CNTNAP2: variants seen among roughly 807,000 people sequenced by gnomAD.
CNTNAP2 encodes contactin associated protein 2, also known as contactin-associated protein-like 2.
In CNTNAP2, 98 loss-of-function variants were observed where a neutral mutation model predicts 155.2. The observed-to-expected ratio is 0.63, with a 90% CI of 0.54 to 0.75. The LOEUF (loss-of-function observed/expected upper bound fraction) is 0.75. Ranked by LOEUF, CNTNAP2 falls within the 30% of genes least tolerant of loss-of-function variation. The pLI is 0.00. For missense variants in CNTNAP2, 1,727 were observed against 1,688.1 expected (o/e 1.02, Z -0.40); for synonymous variants, 651 against 631.2 (o/e 1.03, Z -0.47).
At chr7:147,673,677 C>T (rs4310123) in intron 13 of CNTNAP2, among the ~76,000 whole-genome samples, 2,492 of 152,138 alleles carry the variant, frequency 0.016, 221 homozygotes, top group Admixed American at 0.15. Context: ...GTGGTACTAA[C>T]CATAGTTCTG....
intron 3 of CNTNAP2, among the ~76,000 whole-genome samples, chr7:146,892,943 A>G (rs1283511606): frequency 6.6e-6 from 1 of 152,204 alleles, no homozygotes; most frequent in Non-Finnish European, 1.5e-5. Context: ...CTCTATATGC[A>G]GAGACAACTC....
At chr7:146,458,923 A>C (rs535776970) in intron 1 of CNTNAP2, among the ~76,000 whole-genome samples, 5 of 152,262 alleles carry the variant, frequency 3.3e-5, no homozygotes, top group South Asian at 4.1e-4. Flanking sequence ...ATTTCTCTCT[A>C]TATATACACA....
chr7:147,735,106 G>A (rs1796818032), intron 13 of CNTNAP2, among the ~76,000 whole-genome samples: 1 of 151,000 alleles, frequency 6.6e-6, no homozygotes, highest in Non-Finnish European at 1.5e-5. Context: ...TCTTTTAATT[G>A]TGATGTTAGG....
chr7:148,243,570 G>A (rs542214621), intron 20 of CNTNAP2, among the ~76,000 whole-genome samples: 5 of 152,266 alleles, frequency 3.3e-5, no homozygotes, highest in Admixed American at 2.6e-4. Flanking sequence ...GCAGGCAAGA[G>A]AGAGAGCGCT....
In CNTNAP2 at chr7:147,300,190, G is replaced by T. The variant is rs955617236; in HGVS notation, c.1398G>T (p.Lys466Asn). 1.2e-6 allele frequency: 2 copies of T among 1,613,994 alleles called. No individual in the cohort carries two copies. Among genetic ancestry groups the T allele is most frequent in the Non-Finnish European group, 1.7e-6 (2 of 1,179,942 alleles). Residue 466 changes from lysine (K) to asparagine (N), a missense_variant, in exon 9 of 24, where the codon AAG (lysine) becomes AAT (asparagine). By Grantham distance (94) the Lys-to-Asn change is moderately conservative. Transcript: ENST00000361727. ...GGCACGAGGTTCGCTTCCTAGCCAA[G>T]GAAAATTTTGCTATTCTCACCATCG... Reference protein sequence around the residue: ...GQWHEVRFLAKENFAILTIDG... With the variant: ...GQWHEVRFLANENFAILTIDG...
intron 3 of CNTNAP2, among the ~76,000 whole-genome samples, chr7:146,903,237 T>G (rs1796042703): frequency 6.6e-6 from 1 of 152,172 alleles, no homozygotes; most frequent in Admixed American, 6.5e-5. Flanking sequence ...AAATCCTGTT[T>G]TGTCACCAGA....
intron 20 of CNTNAP2, among the ~76,000 whole-genome samples, chr7:148,245,193 C>T (rs1312881118): frequency 6.6e-6 from 1 of 152,106 alleles, no homozygotes; most frequent in African/African-American, 2.4e-5. Context: ...TACAGGTTGG[C>T]ACATGGAGGA....
chr7:147,586,668 G>A (rs2116836558), intron 12 of CNTNAP2, among the ~76,000 whole-genome samples: 1 of 152,172 alleles, frequency 6.6e-6, no homozygotes, highest in East Asian at 1.9e-4. Context: ...GCTAACCTGT[G>A]CATTTGTGCT....
chr7:148,098,444 GAAA>G (rs61014019), intron 15 of CNTNAP2, among the ~76,000 whole-genome samples: 576 of 56,332 alleles, frequency 0.01, 2 homozygotes, highest in South Asian at 0.069. Flanking sequence ...CTCTGTCTCA[GAAA>G]AAAAAAAAAA....
intron 14 of CNTNAP2, among the ~76,000 whole-genome samples, chr7:147,931,855 T>C (rs1192599917): frequency 6.6e-6 from 1 of 152,100 alleles, no homozygotes; most frequent in African/African-American, 2.4e-5. Flanking sequence ...AAAATTCCAA[T>C]AACATTCTTT....
intron 1 of CNTNAP2, among the ~76,000 whole-genome samples, chr7:146,272,009 A>C (rs1800089794): frequency 6.6e-6 from 1 of 152,190 alleles, no homozygotes; most frequent in Admixed American, 6.6e-5. Context: ...TTTATAAGTA[A>C]TCAAATAAAA....
intron 16 of CNTNAP2, among the ~76,000 whole-genome samples, chr7:148,146,280 C>T (rs569468514): frequency 6.6e-6 from 1 of 152,218 alleles, no homozygotes; most frequent in African/African-American, 2.4e-5. Flanking sequence ...TGTGCCACAT[C>T]TTTAATGTTG....
At chr7:147,393,325 G>A (rs1424854125) in intron 9 of CNTNAP2, among the ~76,000 whole-genome samples, 1 of 152,038 alleles carries the variant, frequency 6.6e-6, no homozygotes, top group Admixed American at 6.6e-5. Context: ...ATAAGCGAAT[G>A]ATGAATTCTT....
At chr7:147,008,959 T>TG (rs1167347749) in intron 3 of CNTNAP2, among the ~76,000 whole-genome samples, 3 of 149,772 alleles carry the variant, frequency 2.0e-5, no homozygotes, top group African/African-American at 7.6e-5. Context: ...TTCTGGTGTT[T>TG]GGATTTTTTT....
chr7:146,850,775 A>G (rs910076490), intron 3 of CNTNAP2, among the ~76,000 whole-genome samples: 1 of 151,310 alleles, frequency 6.6e-6, no homozygotes, highest in Admixed American at 6.6e-5. Flanking sequence ...CGCAAAATAA[A>G]ATACAAATAA....
chr7:146,796,593 T>C (rs1249091239), intron 2 of CNTNAP2, among the ~76,000 whole-genome samples: 1 of 152,044 alleles, frequency 6.6e-6, no homozygotes, highest in Non-Finnish European at 1.5e-5. Flanking sequence ...GTTCTATAAT[T>C]AAAGAAGTGA....
chr7:146,876,027 T>G (rs1795422133), intron 3 of CNTNAP2, among the ~76,000 whole-genome samples: 1 of 148,378 alleles, frequency 6.7e-6, no homozygotes, highest in Non-Finnish European at 1.5e-5. Flanking sequence ...GCAGTACAGC[T>G]CACTTTGACT....
intron 1 of CNTNAP2, among the ~76,000 whole-genome samples, chr7:146,278,312 T>C (rs569544163): frequency 6.6e-6 from 1 of 152,332 alleles, no homozygotes; most frequent in African/African-American, 2.4e-5. Flanking sequence ...ATTCTGAGTG[T>C]CTTGAAATAT....
At chr7:146,437,959 C>A (rs780908596) in intron 1 of CNTNAP2, among the ~76,000 whole-genome samples, 4 of 151,026 alleles carry the variant, frequency 2.6e-5, no homozygotes, top group Non-Finnish European at 5.9e-5. Context: ...GGTACAACCA[C>A]AAAATAACAG....
Sources: allele counts gnomAD v4.1 joint callset (sites outside exome capture counted in the v4.1 genomes callset), GRCh38; gene constraint gnomAD v4.1.1; transcripts MANE v1.5; gene names NCBI Gene and HGNC (gene_info 2026-07-23, HGNC 2026-07-21).